Variants in PPP4R1 observed in about 807,000 individuals in gnomAD.
PPP4R1 encodes the protein protein phosphatase 4 regulatory subunit 1.
A neutral mutation model predicts 111.2 loss-of-function variants in PPP4R1; 42 were observed. That is an observed-to-expected ratio of 0.38 (90% CI 0.29 to 0.49). The LOEUF is 0.49. PPP4R1 is among the 20% of genes least tolerant of loss of function. The pLI is 0.97. For synonymous variants in PPP4R1, 409 were observed against 405.5 expected (o/e 1.01, Z -0.10); for missense variants, 1,012 against 1,161.6 (o/e 0.87, Z 1.87).
intron 19 of PPP4R1, 30 bp from the exon 20 acceptor site, chr18:9,547,982 A>C (rs1344067046): frequency 6.2e-7 from 1 of 1,607,072 alleles, no homozygotes; most frequent in Non-Finnish European, 8.5e-7. Flanking sequence ...AGGACAGATG[A>C]AACCAGTCCA....
At chr18:9,610,539 T>C (rs559102007) in intron 2 of PPP4R1, among the ~76,000 whole-genome samples, 2 of 152,282 alleles carry the variant, frequency 1.3e-5, no homozygotes, top group African/African-American at 2.4e-5. Context: ...CTTGGCTCAC[T>C]GCAACCTCTA....
chr18:9,575,778 C>T (rs185887080), intron 10 of PPP4R1, among the ~76,000 whole-genome samples: 14 of 152,164 alleles, frequency 9.2e-5, no homozygotes, highest in South Asian at 2.1e-4. Flanking sequence ...CTGCAAAGGC[C>T]GAGTGAGTAG....
At chr18:9,550,636 T>C (rs1336956204) in intron 16 of PPP4R1, 10 of 485,002 alleles carry the variant, frequency 2.1e-5, no homozygotes, top group Non-Finnish European at 3.7e-5. Context: ...AGCTGTAGAG[T>C]TCTGCATCCA....
Position 9,570,315 on chromosome 18 carries a change from A to G in PPP4R1, c.1415T>C (p.Leu472Pro), listed in dbSNP as rs1276880483. The G allele has an allele frequency of 1.9e-6, 3 of 1,612,322 alleles. No homozygotes were observed. Among genetic ancestry groups the G allele is most frequent in the Non-Finnish European group, 2.5e-6 (3 of 1,179,322 alleles). ...PLPEIDLDIE[L>P]EQNSGGKPSP... is the part of the protein sequence containing the mutation. ...GGGTTTTCCCCCAGAGTTCTGTTCA[A>G]GCTCTATGTCTAGATCTATTTCAGG... The change falls in exon 11 of 20, where the codon CTT (leucine) becomes CCT (proline). Residue 472 changes from leucine to proline, a missense_variant. Physicochemically the swap from Leu to Pro is moderately conservative, Grantham distance 98. Transcript: ENST00000400556.
intron 6 of PPP4R1, chr18:9,587,580 A>AT (rs1299277711): frequency 1.3e-5 from 2 of 150,590 alleles, no homozygotes; most frequent in African/African-American, 4.9e-5. Flanking sequence ...TTTTTTTTGT[A>AT]TTTTTAGTAG....
At chr18:9,590,654 TG>T (rs922759550) in intron 4 of PPP4R1, among the ~76,000 whole-genome samples, 1 of 152,004 alleles carries the variant, frequency 6.6e-6, no homozygotes, top group African/African-American at 2.4e-5. Flanking sequence ...CTGGGAAAGA[TG>T]GTCTTCCCAG....
Position 9,546,944 on chromosome 18 carries a change from G to C in PPP4R1, c.*845C>G, listed in dbSNP as rs2066411196. On this transcript the variant is annotated 3_prime_UTR_variant, in exon 20 of 20. Transcript: ENST00000400556. ...TTATTAATAAATTTTATTTGGACAA[G>C]AGAACTTGTGCCACAACAGTTTAAA... The C allele has an allele frequency of 6.6e-6, 1 of 152,178 alleles. No individual in the cohort carries two copies. Among genetic ancestry groups the C allele is most frequent in the Non-Finnish European group, 1.5e-5 (1 of 68,030 alleles). 9.4% of individuals were successfully genotyped at this position (152,178 alleles called of 1,614,324 possible).
At chr18:9,584,654 A>T in intron 7 of PPP4R1, 67 bp downstream of exon 7, 1 of 1,600,176 alleles carries the variant, frequency 6.2e-7, no homozygotes, top group Non-Finnish European at 8.5e-7. Flanking sequence ...TTTAAATATC[A>T]TGTATCAGTA....
upstream of PPP4R1, chr18:9,615,365 G>C (rs2067676540): frequency 6.6e-6 from 1 of 152,396 alleles, no homozygotes; most frequent in Non-Finnish European, 1.5e-5. Context: ...GTAGAATGAA[G>C]GTGATAACTG....
intron 6 of PPP4R1, among the ~76,000 whole-genome samples, chr18:9,586,970 G>A (rs186036991): frequency 3.3e-5 from 5 of 152,012 alleles, no homozygotes; most frequent in African/African-American, 4.8e-5. Flanking sequence ...TATGATGTGC[G>A]TAATGACTTA....
At position 9,614,122 on chromosome 18, in the gene PPP4R1, C is replaced by T; in HGVS notation, c.52+104G>A. On this transcript the variant is annotated intron_variant, in intron 2 of 19. Transcript: ENST00000400556. The surrounding 1 kb of genome is among the most constrained non-coding windows in gnomAD (Gnocchi z 4.1). ...GCCCGCCTGGGGCCGCCCTCGCCCA[C>T]CGTCCCCTCAGCCAGCCAGGGCCCG... 3 of 1,037,668 alleles carry T rather than the reference C, an allele frequency of 2.9e-6. No homozygotes were observed. Among genetic ancestry groups the T allele is most frequent in the South Asian group, 8.3e-5 (2 of 24,074 alleles). The allele number at this position is 1,037,668 out of a possible 1,614,324, so 64.3% of individuals were successfully genotyped here.
intron 3 of PPP4R1, chr18:9,594,280 TTTC>T (rs1197639148): frequency 6.5e-6 from 1 of 154,444 alleles, no homozygotes; most frequent in African/African-American, 2.4e-5. Flanking sequence ...AAGAAAATTT[TTTC>T]TTATTACATT....
Position 9,614,247 on chromosome 18 carries a change from G to A in PPP4R1, c.31C>T (p.Leu11=). 7.3e-7 allele frequency: 1 copy of A among 1,361,898 alleles called. No homozygotes were observed. Among genetic ancestry groups the A allele is most frequent in the South Asian group, 1.7e-5 (1 of 59,456 alleles). 84.4% of individuals were successfully genotyped at this position (1,361,898 alleles called of 1,614,324 possible). A position where few individuals can be genotyped will look rare whatever the true frequency, so the allele number is the denominator to read the frequency against. MADLSLLQED[L]QEDADGFGVD... is the part of the protein sequence containing the mutation. ...TCACATCCGTCTGCGTCCTCCTGCA[G>A]GTCCTCCTGAAGCAGCGAGAGGTCT... is the stretch of plus-strand genomic sequence containing the variant. The change falls in exon 2 of 20, where the codon CTG becomes TTG. Residue 11 remains leucine, a synonymous_variant. Coordinates refer to ENST00000400556, the MANE Select transcript of PPP4R1 (RefSeq NM_001042388.3). This position sits in a 1 kb window ranked among gnomAD's most constrained non-coding sequence, Gnocchi z 4.1.
Position 9,555,899 on chromosome 18 carries a change from G to A in PPP4R1, c.2190+1322C>T, listed in dbSNP as rs1286049746. On this transcript the variant is annotated intron_variant, in intron 15 of 19. Transcript: ENST00000400556. ...CGCCTGTAATCCCAGCACTTTGGGA[G>A]GCCAAGGTGGGCGGATCACAAGATC... 2.0e-5 allele frequency among the ~76,000 whole-genome samples: 3 copies of A among 152,068 alleles called. No individual in the cohort carries two copies. The East Asian group carries it at 5.8e-4, about 30-fold the overall frequency.
intron 6 of PPP4R1, 108 bp from the exon 7 acceptor site, chr18:9,584,936 C>T: frequency 1.2e-6 from 1 of 841,268 alleles, no homozygotes; most frequent in Non-Finnish European, 1.9e-6. Context: ...TATGATATGG[C>T]ATCATTATAC....
chr18:9,582,977 G>A, intron 9 of PPP4R1, 140 bp downstream of exon 9: 1 of 796,314 alleles, frequency 1.3e-6, no homozygotes, highest in Non-Finnish European at 1.8e-6. Flanking sequence ...TAATATAGTA[G>A]TCTTTCTACT....
At position 9,570,241 on chromosome 18, in the gene PPP4R1, G is replaced by A. The variant is rs768264780; in HGVS notation, c.1489C>T (p.Pro497Ser). 1.3e-6 allele frequency: 2 copies of A among 1,593,776 alleles called. No individual in the cohort carries two copies. Among genetic ancestry groups the A allele is most frequent in the African/African-American group, 2.7e-5 (2 of 73,464 alleles). The change falls in exon 11 of 20, where the codon CCA becomes TCA. Residue 497 changes from proline (P) to serine (S), a missense_variant. By Grantham distance (74) the Pro-to-Ser change is moderately conservative (BLOSUM62 -1). Transcript: ENST00000400556. Reference protein sequence around the residue: ...EESEGPVPSSPNITMATRKEL... With the variant: ...EESEGPVPSSSNITMATRKEL... ...TTTCTGGTGGCCATGGTGATGTTTG[G>A]AGAACTGGGCACAGGGCCCTCAGAT...
At chr18:9,577,759 G>A (rs1428907178) in intron 9 of PPP4R1, among the ~76,000 whole-genome samples, 1 of 152,084 alleles carries the variant, frequency 6.6e-6, no homozygotes, top group Non-Finnish European at 1.5e-5. Flanking sequence ...ATCTAAGTAT[G>A]AGATACTATG....
At chr18:9,595,630 G>A (rs8085047) in intron 2 of PPP4R1, among the ~76,000 whole-genome samples, 30,402 of 152,000 alleles carry the variant, frequency 0.2, 3,359 homozygotes, top group East Asian at 0.49. Flanking sequence ...TTTGTGCCAA[G>A]TACTAGGGTA....
Sources: allele counts gnomAD v4.1 joint callset (sites outside exome capture counted in the v4.1 genomes callset), GRCh38; gene constraint gnomAD v4.1.1; non-coding constraint Gnocchi (gnomAD v3.1); transcripts MANE v1.5; gene names NCBI Gene and HGNC (gene_info 2026-07-23, HGNC 2026-07-21).